Variants in PKHD1 observed in about 807,000 individuals in gnomAD.
The protein encoded by PKHD1 is fibrocystin.
In PKHD1, 291 loss-of-function variants were observed where a neutral mutation model predicts 412.0. That is an observed-to-expected ratio of 0.71 (90% CI 0.64 to 0.78). The LOEUF (loss-of-function observed/expected upper bound fraction) is 0.78. Among genes scored for constraint, PKHD1 ranks in the 30% least tolerant of loss-of-function variants. PKHD1 has a pLI of 0.00. For synonymous variants in PKHD1, 1,777 were observed against 1,821.5 expected, an observed-to-expected ratio of 0.98 and a Z score of 0.62; for missense variants, 4,825 against 4,950.7, an observed-to-expected ratio of 0.97 and a Z score of 0.76.
chr6:51,895,826 G>A (rs966979259), intron 43 of PKHD1, among the ~76,000 whole-genome samples: 7 of 152,104 alleles, frequency 4.6e-5, no homozygotes, highest in Non-Finnish European at 1.0e-4. Context: ...TGCACAAGCC[G>A]AAGCAGGGTG....
At chr6:51,708,174 A>G (rs1236567536) in intron 60 of PKHD1, among the ~76,000 whole-genome samples, 1 of 152,106 alleles carries the variant, frequency 6.6e-6, no homozygotes, top group East Asian at 1.9e-4. Flanking sequence ...AGTACATGGC[A>G]CCACCAGCCA....
chr6:51,743,863 T>G (rs1295334837), intron 60 of PKHD1, among the ~76,000 whole-genome samples: 1 of 152,022 alleles, frequency 6.6e-6, no homozygotes, highest in Non-Finnish European at 1.5e-5. Context: ...CATAAAAGGG[T>G]GCTTTGTTTG....
chr6:51,936,825 ACT>A (rs36001677), intron 36 of PKHD1, among the ~76,000 whole-genome samples: 106,811 of 151,836 alleles, frequency 0.7, 38,060 homozygotes, highest in East Asian at 0.94. Context: ...TTCCAACCTG[ACT>A]CTAGTACAGC....
intron 60 of PKHD1, among the ~76,000 whole-genome samples, chr6:51,706,948 A>T (rs1467996987): frequency 6.6e-6 from 1 of 152,198 alleles, no homozygotes; most frequent in East Asian, 1.9e-4. Flanking sequence ...CATTGTGTAA[A>T]CTGGAAAAAT....
intron 46 of PKHD1, among the ~76,000 whole-genome samples, chr6:51,882,814 T>C (rs1777587794): frequency 6.6e-6 from 1 of 152,218 alleles, no homozygotes; most frequent in Non-Finnish European, 1.5e-5. Flanking sequence ...CCTCTTACTA[T>C]GAGTAATAAT....
intron 37 of PKHD1, among the ~76,000 whole-genome samples, chr6:51,920,011 T>A (rs1784443229): frequency 6.6e-6 from 1 of 152,274 alleles, no homozygotes; most frequent in African/African-American, 2.4e-5. Context: ...GCTTATCAGC[T>A]TAAGGAGATT....
intron 49 of PKHD1, among the ~76,000 whole-genome samples, chr6:51,853,769 G>T (rs143379670): frequency 3.9e-5 from 6 of 152,240 alleles, no homozygotes; most frequent in Admixed American, 3.3e-4. Flanking sequence ...GCTCCATCAG[G>T]TCGTTTATAT....
At chr6:51,703,882 T>G (rs1310119984) in intron 60 of PKHD1, among the ~76,000 whole-genome samples, 1 of 152,026 alleles carries the variant, frequency 6.6e-6, no homozygotes, top group African/African-American at 2.4e-5. Context: ...CATCTGGAAA[T>G]AAACATAAAT....
intron 52 of PKHD1, among the ~76,000 whole-genome samples, chr6:51,819,009 T>A (rs894862005): frequency 2.0e-5 from 3 of 152,212 alleles, no homozygotes; most frequent in Admixed American, 6.5e-5. Flanking sequence ...AGGGTTTTTT[T>A]ATTCACAGAA....
Position 51,687,371 on chromosome 6 carries a change from T to A in PKHD1, c.10157-27402A>T, listed in dbSNP as rs1331262354. ...CTTGCCATTATGTGTTAATAATAGA[T>A]CCTTTTCTGTATCAGCTATATTGTA... On this transcript the variant is annotated intron_variant, in intron 60 of 66. Transcript: ENST00000371117. Among the ~76,000 whole-genome samples the A allele has an allele frequency of 2.0e-5, 3 of 152,348 alleles. No individual in the cohort carries two copies. In the East Asian group the frequency reaches 5.8e-4, roughly 29 times the overall value.
chr6:51,835,329 C>G (rs955169721), intron 51 of PKHD1, among the ~76,000 whole-genome samples: 2 of 152,158 alleles, frequency 1.3e-5, no homozygotes, highest in Non-Finnish European at 1.5e-5. Flanking sequence ...TAGGCACTGA[C>G]ACAGCAAATC....
intron 35 of PKHD1, among the ~76,000 whole-genome samples, chr6:51,990,462 G>A (rs1796923940): frequency 6.6e-6 from 1 of 152,066 alleles, no homozygotes; most frequent in Non-Finnish European, 1.5e-5. Context: ...ATAAATCAGG[G>A]CAAGAATAAG....
At chr6:51,892,722 CTATT>C (rs1192380610) in intron 43 of PKHD1, among the ~76,000 whole-genome samples, 1 of 152,134 alleles carries the variant, frequency 6.6e-6, no homozygotes, top group African/African-American at 2.4e-5. Flanking sequence ...TACTAGGAAA[CTATT>C]GATATCATTT....
intron 60 of PKHD1, among the ~76,000 whole-genome samples, chr6:51,675,091 T>G (rs929530878): frequency 6.6e-6 from 1 of 152,152 alleles, no homozygotes; most frequent in African/African-American, 2.4e-5. Flanking sequence ...CTATTTTAAT[T>G]TTGGCGTGAG....
At chr6:51,956,773 T>C (rs189997100) in intron 36 of PKHD1, among the ~76,000 whole-genome samples, 17 of 152,044 alleles carry the variant, frequency 1.1e-4, no homozygotes, top group African/African-American at 3.4e-4. Flanking sequence ...GCCAGCCACA[T>C]GAATGTGGAA....
rs552143626 is a variant in PKHD1, at chr6:51,780,717, T to C, written c.8441-4796A>G. 2.0e-5 allele frequency among the ~76,000 whole-genome samples: 3 copies of C among 152,154 alleles called. No homozygotes were observed. In the East Asian group the frequency reaches 5.8e-4, roughly 29 times the overall value. On this transcript the variant is annotated intron_variant, in intron 53 of 66. Coordinates refer to ENST00000371117, the MANE Select transcript of PKHD1 (RefSeq NM_138694.4). ...GCATATATTTTTCATTTTATAAAAT[T>C]TGTTGTATATGTGTGTCATTTTCCA...
intron 13 of PKHD1, 143 bp from the exon 14 acceptor site, chr6:52,062,803 T>C (rs1808885077): frequency 2.1e-6 from 2 of 944,658 alleles, no homozygotes; most frequent in Non-Finnish European, 3.3e-6. Context: ...AGAGTAGTTA[T>C]ATGAAAGGTT....
chr6:51,900,644 T>C (rs1781090420), intron 43 of PKHD1, among the ~76,000 whole-genome samples: 1 of 152,000 alleles, frequency 6.6e-6, no homozygotes, highest in Non-Finnish European at 1.5e-5. Context: ...TCAAAAGCAA[T>C]GGCAACAAAA....
chr6:51,674,764 G>C (rs868220024), intron 60 of PKHD1, among the ~76,000 whole-genome samples: 2 of 152,152 alleles, frequency 1.3e-5, no homozygotes, highest in Non-Finnish European at 2.9e-5. Context: ...ACATGGAAAA[G>C]TGTTTGACGA....
Sources: gnomAD v4.1 joint callset for allele counts (sites outside exome capture counted in the v4.1 genomes callset) on GRCh38, gnomAD v4.1.1 for gene constraint, MANE v1.5 for transcripts, NCBI Gene and HGNC (gene_info 2026-07-23, HGNC 2026-07-21) for gene names.